The following WDFY4 variants were observed in gnomAD, a reference collection of about 807,000 sequenced individuals.
The protein encoded by WDFY4 is WD repeat- and FYVE domain-containing protein 4.
WDFY4 carries 169 observed loss-of-function variants against 351.9 expected under a neutral mutation model. That is an observed-to-expected ratio of 0.48 (90% CI 0.42 to 0.55). The LOEUF (loss-of-function observed/expected upper bound fraction) is 0.55, where lower values mean the gene tolerates loss of function less well. WDFY4 is among the 20% of genes least tolerant of loss of function. The pLI, the probability that WDFY4 is intolerant of heterozygous loss-of-function variation, is 0.00. For missense variants in WDFY4, 3,803 were observed against 3,935.6 expected (o/e 0.97, Z 0.90); for synonymous variants, 1,622 against 1,574.6 (o/e 1.03, Z -0.71).
At chr10:48,796,183 A>C in intron 23 of WDFY4, 115 bp from the exon 24 acceptor site, 1 of 1,245,498 alleles carries the variant, frequency 8.0e-7, no homozygotes, top group Non-Finnish European at 1.1e-6. Flanking sequence ...ACATGGAATG[A>C]AGGATGGTAG....
intron 13 of WDFY4, among the ~76,000 whole-genome samples, chr10:48,767,076 T>C (rs1350605383): frequency 6.6e-6 from 1 of 152,226 alleles, no homozygotes; most frequent in African/African-American, 2.4e-5. Context: ...AATTCCAGCT[T>C]TTTATAATCA....
At chr10:48,760,248 C>A in intron 12 of WDFY4, 99 bp from the exon 13 acceptor site, 1 of 1,078,628 alleles carries the variant, frequency 9.3e-7, no homozygotes. Flanking sequence ...AGGATGTGTA[C>A]CATGATCTGT....
At chr10:48,951,243 G>A (rs1189287549) in intron 51 of WDFY4, among the ~76,000 whole-genome samples, 1 of 152,142 alleles carries the variant, frequency 6.6e-6, no homozygotes, top group East Asian at 1.9e-4. Flanking sequence ...CAGAAAATAT[G>A]GTATATATAT....
At chr10:48,738,290 G>T (rs887529458) in intron 11 of WDFY4, among the ~76,000 whole-genome samples, 1 of 152,346 alleles carries the variant, frequency 6.6e-6, no homozygotes, top group African/African-American at 2.4e-5. Flanking sequence ...CAGAGGCATC[G>T]TATTGGAGTG....
At chr10:48,754,630 T>G (rs1029762954) in intron 12 of WDFY4, among the ~76,000 whole-genome samples, 14 of 151,886 alleles carry the variant, frequency 9.2e-5, no homozygotes, top group Non-Finnish European at 1.5e-4. Context: ...TTAATTTACT[T>G]ATTTATTGTG....
At chr10:48,821,944 A>G (rs1398180546) in intron 34 of WDFY4, among the ~76,000 whole-genome samples, 2 of 152,166 alleles carry the variant, frequency 1.3e-5, no homozygotes, top group African/African-American at 4.8e-5. Context: ...GGGTTGTGCT[A>G]GGGGTTAGTT....
In WDFY4 at chr10:48,900,071, G is replaced by T. The variant is rs1054325095; in HGVS notation, c.7438-150G>T. 9.5e-6 allele frequency: 6 copies of T among 628,384 alleles called. No individual in the cohort carries two copies. The African/African-American group carries it at 1.1e-4, about 12-fold the overall frequency. 38.9% of individuals were successfully genotyped at this position (628,384 alleles called of 1,614,324 possible). On this transcript the variant is annotated intron_variant, in intron 45 of 61. Coordinates refer to ENST00000325239, the MANE Select transcript of WDFY4 (RefSeq NM_001394531.1). ...GAAGCACCCCATCCCTGTCACCAAG[G>T]TCTTCCTACCATGGGAACTCAAAAG...
intron 39 of WDFY4, among the ~76,000 whole-genome samples, chr10:48,857,318 G>T (rs2069168478): frequency 6.7e-6 from 1 of 148,264 alleles, no homozygotes; most frequent in South Asian, 2.1e-4. Flanking sequence ...CTTCATCAAA[G>T]ATATTCTTAA....
intron 11 of WDFY4, among the ~76,000 whole-genome samples, chr10:48,738,054 T>C (rs1299133236): frequency 6.6e-6 from 1 of 152,244 alleles, no homozygotes; most frequent in South Asian, 2.1e-4. Flanking sequence ...ACTGGCATGT[T>C]CTGGCAGGAT....
At chr10:48,729,722 G>A (rs960716023) in intron 8 of WDFY4, 133 bp downstream of exon 8, 2 of 1,222,312 alleles carry the variant, frequency 1.6e-6, no homozygotes, top group Admixed American at 2.8e-5. Flanking sequence ...CAACCTTTGG[G>A]GAGGTTATGA....
intron 57 of WDFY4, among the ~76,000 whole-genome samples, chr10:48,973,439 G>A (rs1180519897): frequency 6.6e-6 from 1 of 152,182 alleles, no homozygotes; most frequent in East Asian, 1.9e-4. Context: ...GCTTGTGGCA[G>A]AACCTTTCAT....
In WDFY4 at chr10:48,909,198, G is replaced by A. The variant is rs1837792032; in HGVS notation, c.7586+7335G>A. ...AGCAAAATTTGGTTGTTTCCATTTT[G>A]TGGTCATTACAAATAAAGCAGATTG... On this transcript the variant is annotated intron_variant, in intron 47 of 61. Coordinates refer to ENST00000325239, the MANE Select transcript of WDFY4 (RefSeq NM_001394531.1). Among the ~76,000 whole-genome samples the A allele has an allele frequency of 2.0e-5, 3 of 152,224 alleles. 1 individual carries two copies. Among genetic ancestry groups the A allele is most frequent in the Middle Eastern group, 6.8e-3 (2 of 294 alleles).
chr10:48,829,621 G>A (rs1486234158), intron 37 of WDFY4, among the ~76,000 whole-genome samples: 3 of 152,092 alleles, frequency 2.0e-5, no homozygotes, highest in Non-Finnish European at 4.4e-5. Flanking sequence ...AGGCCAAGGC[G>A]GGTGGATCAC....
At chr10:48,917,370 G>GA (rs1838647135) in intron 47 of WDFY4, among the ~76,000 whole-genome samples, 1 of 152,146 alleles carries the variant, frequency 6.6e-6, no homozygotes, top group Admixed American at 6.5e-5. Flanking sequence ...CAACAGTGAT[G>GA]AAAAAGATAA....
intron 47 of WDFY4, among the ~76,000 whole-genome samples, chr10:48,928,569 A>G (rs999279140): frequency 1.3e-5 from 2 of 152,006 alleles, no homozygotes; most frequent in Non-Finnish European, 2.9e-5. Flanking sequence ...CAGTTAATTT[A>G]TCCTGGGGGC....
rs61733234 is a variant in WDFY4 at position 48,873,559 on chromosome 10, G to T, written c.6810G>T (p.Glu2270Asp). 2 of 1,551,628 alleles carry T rather than the reference G, an allele frequency of 1.3e-6. No homozygotes were observed. The highest frequency in any genetic ancestry group is 1.2e-5 in the South Asian group (1 of 84,068). Residue 2270 changes from glutamate to aspartate, a missense_variant, in exon 41 of 62, where the codon GAG (glutamate) becomes GAT (aspartate). By Grantham distance (45) the Glu-to-Asp change is conservative. Coordinates refer to ENST00000325239, the MANE Select transcript of WDFY4 (RefSeq NM_001394531.1). ...GGATCCAGGAGCAGCTTTTTGGGGAGCTGGGCTTGTGGAGCCAGGGGGAAG... is the reference window on the plus strand; with the variant it reads ...GGATCCAGGAGCAGCTTTTTGGGGATCTGGGCTTGTGGAGCCAGGGGGAAG... ...WARIQEQLFG[E>D]LGLWSQGEET... is the part of the protein sequence containing the mutation.
intron 13 of WDFY4, among the ~76,000 whole-genome samples, chr10:48,766,152 C>T (rs1466184819): frequency 1.3e-5 from 2 of 152,216 alleles, no homozygotes; most frequent in Non-Finnish European, 2.9e-5. Context: ...AATTATAACA[C>T]ATTGGACATC....
intron 39 of WDFY4, among the ~76,000 whole-genome samples, chr10:48,844,167 G>A (rs974978623): frequency 2.0e-5 from 3 of 152,252 alleles, no homozygotes; most frequent in African/African-American, 7.2e-5. Context: ...CAAAGTCTCA[G>A]AACAGGAAGT....
chr10:48,893,828 C>G (rs903492983), intron 44 of WDFY4, among the ~76,000 whole-genome samples: 10 of 152,312 alleles, frequency 6.6e-5, no homozygotes, highest in African/African-American at 2.4e-4. Context: ...TGTGATTTAT[C>G]TAGTCAGAAT....
Sources: allele counts gnomAD v4.1 joint callset (sites outside exome capture counted in the v4.1 genomes callset), GRCh38; gene constraint gnomAD v4.1.1; transcripts MANE v1.5; gene names NCBI Gene and HGNC (gene_info 2026-07-23, HGNC 2026-07-21).